The following DHX57 variants were observed in gnomAD, a reference collection of about 807,000 sequenced individuals.
DHX57 encodes the protein DExH-box helicase 57.
Under a neutral mutation model 156.2 loss-of-function variants are expected in DHX57, and 105 were observed. The observed-to-expected ratio is 0.67, with a 90% CI of 0.57 to 0.79. DHX57 has a LOEUF of 0.79. Ranked by LOEUF, DHX57 falls within the 30% of genes least tolerant of loss-of-function variation. DHX57 has a pLI of 0.00. For synonymous variants in DHX57, 704 were observed against 595.6 expected (o/e 1.18, Z -2.65); for missense variants, 1,847 against 1,661.9 (o/e 1.11, Z -1.94).
At chr2:38,832,912 C>T (rs181760207) in intron 13 of DHX57, among the ~76,000 whole-genome samples, 21 of 151,504 alleles carry the variant, frequency 1.4e-4, no homozygotes, top group Admixed American at 7.2e-4. Context: ...AATATTTACT[C>T]GGTACCTAAA....
chr2:38,860,731 T>C (rs1454395602), intron 5 of DHX57, among the ~76,000 whole-genome samples: 1 of 152,234 alleles, frequency 6.6e-6, no homozygotes, highest in African/African-American at 2.4e-5. Context: ...TTAAGGTCCT[T>C]CCAAGCCTCG....
At chr2:38,823,391 G>T (rs1670926803) in intron 16 of DHX57, 122 bp from the exon 17 acceptor site, 1 of 1,007,264 alleles carries the variant, frequency 9.9e-7, no homozygotes, top group South Asian at 1.8e-5. Flanking sequence ...AAAATCTCAT[G>T]TTTTCTACTT....
chr2:38,830,427 A>T lies in DHX57; in HGVS notation c.2543-1991T>A, dbSNP rs182424712. 2.0e-3 allele frequency among the ~76,000 whole-genome samples: 303 copies of T among 152,180 alleles called. 2 individuals carry two copies. Among genetic ancestry groups the T allele is most frequent in the African/African-American group, 6.6e-3 (274 of 41,512 alleles). ...TGGATCACCTGAGGTCAAGAGTTCAAGACTAGCCTGACCAACATGGTGAAA... is the reference window on the plus strand; with the variant it reads ...TGGATCACCTGAGGTCAAGAGTTCATGACTAGCCTGACCAACATGGTGAAA... On this transcript the variant is annotated intron_variant, in intron 13 of 23. Coordinates refer to ENST00000457308, the MANE Select transcript of DHX57 (RefSeq NM_198963.3).
At chr2:38,836,979 C>G (rs935215621) in intron 13 of DHX57, among the ~76,000 whole-genome samples, 1 of 151,980 alleles carries the variant, frequency 6.6e-6, no homozygotes, top group Non-Finnish European at 1.5e-5. Context: ...CAACCCCTTG[C>G]TGGGACTACA....
At chr2:38,820,110 G>C (rs1670736647) in intron 17 of DHX57, among the ~76,000 whole-genome samples, 1 of 152,086 alleles carries the variant, frequency 6.6e-6, no homozygotes, top group African/African-American at 2.4e-5. Flanking sequence ...CAACCATAGT[G>C]CTTCTCTCTA....
chr2:38,832,048 A>G (rs1671410593), intron 13 of DHX57, among the ~76,000 whole-genome samples: 1 of 152,120 alleles, frequency 6.6e-6, no homozygotes, highest in Non-Finnish European at 1.5e-5. Flanking sequence ...CAAGATATAC[A>G]GTCCAGTGAA....
intron 17 of DHX57, among the ~76,000 whole-genome samples, chr2:38,820,899 G>A (rs995127628): frequency 1.4e-5 from 2 of 147,080 alleles, no homozygotes; most frequent in Non-Finnish European, 3.0e-5. Context: ...AAGGCAGACT[G>A]ACACTCTACC....
intron 17 of DHX57, among the ~76,000 whole-genome samples, chr2:38,819,599 T>C (rs1670715110): frequency 6.6e-6 from 1 of 152,226 alleles, no homozygotes; most frequent in African/African-American, 2.4e-5. Flanking sequence ...AAGGCAATTA[T>C]GACGGTAAAT....
intron 21 of DHX57, among the ~76,000 whole-genome samples, chr2:38,813,066 T>C (rs941386565): frequency 6.6e-6 from 1 of 151,634 alleles, no homozygotes; most frequent in Non-Finnish European, 1.5e-5. Context: ...CAGGAGGGTC[T>C]TAAACTCCTG....
At chr2:38,800,126 G>A (rs1558347549) in intron 23 of DHX57, among the ~76,000 whole-genome samples, 1 of 150,830 alleles carries the variant, frequency 6.6e-6, no homozygotes, top group Non-Finnish European at 1.5e-5. Context: ...CAGAGGCTGT[G>A]GTGAGCCGAG....
chr2:38,822,950 G>T, intron 17 of DHX57, 43 bp downstream of exon 17: 1 of 1,592,434 alleles, frequency 6.3e-7, no homozygotes. Flanking sequence ...GAGACCTATG[G>T]TCCTCTTAGA....
chr2:38,806,800 T>A, intron 21 of DHX57, 107 bp from the exon 22 acceptor site: 1 of 1,089,806 alleles, frequency 9.2e-7, no homozygotes, highest in Non-Finnish European at 1.3e-6. Flanking sequence ...CTTGCTTGAA[T>A]AGCTTTCCTG....
chr2:38,866,238 A>G (rs894855713), intron 2 of DHX57, among the ~76,000 whole-genome samples: 1 of 152,212 alleles, frequency 6.6e-6, no homozygotes, highest in Non-Finnish European at 1.5e-5. Context: ...ATAATGGCCC[A>G]TGAAGTCCTA....
At chr2:38,815,678 T>C in intron 19 of DHX57, 23 bp from the exon 20 acceptor site, 1 of 1,614,076 alleles carries the variant, frequency 6.2e-7, no homozygotes, top group Non-Finnish European at 8.5e-7. Flanking sequence ...GAAAAACCTT[T>C]AAGCAAGGGC....
At chr2:38,854,822 A>G (rs903707810) in intron 8 of DHX57, 2 of 365,346 alleles carry the variant, frequency 5.5e-6, no homozygotes, top group Non-Finnish European at 1.0e-5. Context: ...TTGGCCTCTC[A>G]AAGTGCTGGG....
intron 23 of DHX57, among the ~76,000 whole-genome samples, chr2:38,801,576 A>T (rs952573316): frequency 1.4e-5 from 2 of 143,540 alleles, no homozygotes; most frequent in Admixed American, 1.4e-4. Flanking sequence ...CGCCCAGCTA[A>T]TTTTTTTTTT....
intron 11 of DHX57, among the ~76,000 whole-genome samples, chr2:38,845,439 A>C (rs962158547): frequency 6.6e-6 from 1 of 152,156 alleles, no homozygotes; most frequent in Non-Finnish European, 1.5e-5. Flanking sequence ...AGTACCATTA[A>C]ATGAATATGG....
Position 38,813,992 on chromosome 2 carries a change from C to T in DHX57, c.3607-97G>A, listed in dbSNP as rs571561326. 71 of 1,366,184 alleles carry T rather than the reference C, an allele frequency of 5.2e-5. 1 individual carries two copies. The East Asian group carries it at 1.6e-3, about 30-fold the overall frequency. 84.6% of individuals were successfully genotyped at this position (1,366,184 alleles called of 1,614,324 possible). On this transcript the variant is annotated intron_variant, in intron 20 of 23. Transcript: ENST00000457308. Reference sequence around the variant, plus strand: ...TTGCTCTGTCACCCAGGCAAGTGTGCAGTGGCGCCATCTCAGCTTACTGCA... The same window carrying T: ...TTGCTCTGTCACCCAGGCAAGTGTGTAGTGGCGCCATCTCAGCTTACTGCA...
At chr2:38,806,478 C>G (rs566845787) in intron 22 of DHX57, 81 bp downstream of exon 22, 1 of 1,508,864 alleles carries the variant, frequency 6.6e-7, no homozygotes, top group East Asian at 2.3e-5. Context: ...AGTGATAGAA[C>G]ATGGTGTGGC....
Sources: allele counts gnomAD v4.1 joint callset (sites outside exome capture counted in the v4.1 genomes callset), GRCh38; gene constraint gnomAD v4.1.1; transcripts MANE v1.5; gene names NCBI Gene and HGNC (gene_info 2026-07-23, HGNC 2026-07-21).